The following TMEM14C variants were observed in gnomAD, a reference collection of about 807,000 sequenced individuals.
TMEM14C encodes chromosome 6 open reading frame 53.
In TMEM14C, 13 loss-of-function variants were observed where a neutral mutation model predicts 14.8. That is an observed-to-expected ratio of 0.88 (90% CI 0.57 to 1.40). TMEM14C has a LOEUF of 1.40. Among genes scored for constraint, TMEM14C ranks in the 40% most tolerant of loss-of-function variants. The probability of loss-of-function intolerance (pLI) is 0.00; values close to 1 mark genes in which losing one functional copy is unlikely to be tolerated. For synonymous variants in TMEM14C, 57 were observed against 51.3 expected, an observed-to-expected ratio of 1.11 and a Z score of -0.48; for missense variants, 142 against 138.8, an observed-to-expected ratio of 1.02 and a Z score of -0.12.
At chr6:10,729,970 C>G (rs2127489368) in intron 5 of TMEM14C, among the ~76,000 whole-genome samples, 1 of 152,142 alleles carries the variant, frequency 6.6e-6, no homozygotes, top group Admixed American at 6.5e-5. Flanking sequence ...TGGTGGTGCA[C>G]ACCTGTAATC....
At chr6:10,730,553 A>G (rs1477080733) in intron 5 of TMEM14C, 62 bp from the exon 6 acceptor site, 1 of 1,545,078 alleles carries the variant, frequency 6.5e-7, no homozygotes, top group East Asian at 2.3e-5. Flanking sequence ...TTAGTTCCTT[A>G]AAAACATAGT....
At chr6:10,724,842 G>A (rs1443022407) in intron 2 of TMEM14C, 119 bp from the exon 3 acceptor site, 10 of 1,389,148 alleles carry the variant, frequency 7.2e-6, no homozygotes. Flanking sequence ...CAACCTCTGT[G>A]GTCCTTATTT....
In TMEM14C at chr6:10,724,946, C is replaced by G. The variant is rs758319189; in HGVS notation, c.21-15C>G. On this transcript the variant is annotated splice_polypyrimidine_tract_variant and intron_variant, in intron 2 of 5. Coordinates refer to ENST00000229563, the MANE Select transcript of TMEM14C (RefSeq NM_016462.4). Reference sequence around the variant, plus strand: ...AAGCCAGGTTAGCACTGACTTCTCCCTCTTGTGTTTTCAGAGTGCCTTTGC... The same window carrying G: ...AAGCCAGGTTAGCACTGACTTCTCCGTCTTGTGTTTTCAGAGTGCCTTTGC... 1.2e-6 allele frequency: 2 copies of G among 1,614,084 alleles called. No individual in the cohort carries two copies. Among genetic ancestry groups the G allele is most frequent in the African/African-American group, 2.7e-5 (2 of 74,920 alleles).
intron 1 of TMEM14C, among the ~76,000 whole-genome samples, chr6:10,723,761 C>T (rs1324095249): frequency 6.6e-6 from 1 of 151,880 alleles, no homozygotes; most frequent in African/African-American, 2.4e-5. Flanking sequence ...TCACCATGCG[C>T]GATTAATTTT....
intron 5 of TMEM14C, among the ~76,000 whole-genome samples, chr6:10,729,129 C>T (rs1462598465): frequency 6.6e-6 from 1 of 152,080 alleles, no homozygotes; most frequent in African/African-American, 2.4e-5. Context: ...ATCCTGTTTT[C>T]TATTTTTTGT....
At chr6:10,725,846 G>C in intron 3 of TMEM14C, 61 bp from the exon 4 acceptor site, 1 of 1,603,932 alleles carries the variant, frequency 6.2e-7, no homozygotes, top group Non-Finnish European at 8.5e-7. Flanking sequence ...CGGTCTGGGG[G>C]ATTCCGTTAG....
intron 1 of TMEM14C, among the ~76,000 whole-genome samples, chr6:10,724,076 C>T (rs865893931): frequency 1.3e-5 from 2 of 152,178 alleles, no homozygotes; most frequent in African/African-American, 4.8e-5. Context: ...GCCCTCCTAA[C>T]AAGAACTGTG....
chr6:10,725,761 C>A, intron 3 of TMEM14C, 146 bp from the exon 4 acceptor site: 2 of 914,778 alleles, frequency 2.2e-6, no homozygotes, highest in Admixed American at 2.6e-5. Context: ...CTCTCTGTAA[C>A]GTCTTCCTGC....
intron 1 of TMEM14C, among the ~76,000 whole-genome samples, chr6:10,723,594 C>CCT (rs749484124): frequency 8.4e-6 from 1 of 118,712 alleles, no homozygotes; most frequent in Admixed American, 9.6e-5. Context: ...AAACTTAATT[C>CCT]TTTTTTTTTT....
chr6:10,728,945 C>A, intron 5 of TMEM14C: 1 of 1,156,570 alleles, frequency 8.6e-7, no homozygotes, highest in Middle Eastern at 2.4e-4. Flanking sequence ...GGTTTGTTCT[C>A]ATATTTGCTT....
At chr6:10,726,852 G>A (rs942480635) in intron 4 of TMEM14C, among the ~76,000 whole-genome samples, 2 of 152,164 alleles carry the variant, frequency 1.3e-5, no homozygotes, top group Non-Finnish European at 2.9e-5. Flanking sequence ...CTAGGAGTGT[G>A]GGTTCCTTGC....
intron 4 of TMEM14C, among the ~76,000 whole-genome samples, chr6:10,728,042 A>G (rs11963485): frequency 0.065 from 9,858 of 152,222 alleles, 1,075 homozygotes; most frequent in African/African-American, 0.22. Context: ...GGGCCTCTGC[A>G]TATACTGTCC....
At chr6:10,730,488 T>G in intron 5 of TMEM14C, 127 bp from the exon 6 acceptor site, 2 of 818,620 alleles carry the variant, frequency 2.4e-6, no homozygotes, top group South Asian at 5.0e-5. Context: ...AATTTACCCC[T>G]GACCACTCTT....
intron 1 of TMEM14C, 123 bp downstream of exon 1, chr6:10,723,364 G>A (rs1345903896): frequency 6.6e-6 from 1 of 152,262 alleles, no homozygotes; most frequent in Non-Finnish European, 1.5e-5. Context: ...CCGTGTGGTC[G>A]GTGCTTTTCT....
intron 2 of TMEM14C, 23 bp downstream of exon 2, chr6:10,724,656 G>T: frequency 5.0e-6 from 8 of 1,610,134 alleles, no homozygotes; most frequent in Non-Finnish European, 6.8e-6. Flanking sequence ...AATGGGTATG[G>T]AGTAGCCAGG....
At chr6:10,730,034 G>C (rs1020930575) in intron 5 of TMEM14C, among the ~76,000 whole-genome samples, 2 of 151,934 alleles carry the variant, frequency 1.3e-5, no homozygotes, top group Non-Finnish European at 2.9e-5. Flanking sequence ...GGAGACGGAG[G>C]TTGCAGTGAG....
At chr6:10,728,976 C>T (rs1433308200) in intron 5 of TMEM14C, 1 of 809,578 alleles carries the variant, frequency 1.2e-6, no homozygotes, top group South Asian at 1.8e-5. Flanking sequence ...CCAAACTCCT[C>T]CCTATATGGT....
At chr6:10,726,958 G>T (rs1770881971) in intron 4 of TMEM14C, among the ~76,000 whole-genome samples, 1 of 152,154 alleles carries the variant, frequency 6.6e-6, no homozygotes, top group Admixed American at 6.5e-5. Flanking sequence ...GGAGGTCCGT[G>T]ATGGCTAATG....
In TMEM14C at chr6:10,723,091, C is replaced by A. The variant is rs1770728234; in HGVS notation, c.-195C>A. Reference sequence around the variant, plus strand: ...CCCCATTCTCTGACCGCCCCTCTCCCGGTACACTGCGCAGGCACAACAGAG... The same window carrying A: ...CCCCATTCTCTGACCGCCCCTCTCCAGGTACACTGCGCAGGCACAACAGAG... On this transcript the variant is annotated 5_prime_UTR_variant, in exon 1 of 6. Coordinates refer to ENST00000229563, the MANE Select transcript of TMEM14C (RefSeq NM_016462.4). 1 of 152,332 alleles carries A rather than the reference C, an allele frequency of 6.6e-6. No individual in the cohort carries two copies. The highest frequency in any genetic ancestry group is 6.5e-5 in the Admixed American group (1 of 15,294). The allele number at this position is 152,332 out of a possible 1,614,324, so 9.4% of individuals were successfully genotyped here.
Sources: allele counts gnomAD v4.1 joint callset (sites outside exome capture counted in the v4.1 genomes callset), GRCh38; gene constraint gnomAD v4.1.1; transcripts MANE v1.5; gene names NCBI Gene and HGNC (gene_info 2026-07-23, HGNC 2026-07-21).